The following PTPRD variants were observed in gnomAD, a reference collection of about 807,000 sequenced individuals.
The protein encoded by PTPRD is protein tyrosine phosphatase receptor type D, also known as receptor-type tyrosine-protein phosphatase delta.
PTPRD carries 34 observed loss-of-function variants against 214.5 expected under a neutral mutation model. The observed-to-expected ratio is 0.16, with a 90% CI of 0.12 to 0.21. PTPRD has a LOEUF of 0.21. Ranked by LOEUF, PTPRD falls within the 10% of genes least tolerant of loss-of-function variation. PTPRD has a pLI of 1.00. For missense variants in PTPRD, 2,545 were observed against 2,398.7 expected (o/e 1.06, Z -1.27); for synonymous variants, 1,128 against 845.7 (o/e 1.33, Z -5.79).
chr9:9,136,915 G>A (rs2154478604), intron 10 of PTPRD, among the ~76,000 whole-genome samples: 1 of 152,178 alleles, frequency 6.6e-6, no homozygotes, highest in Admixed American at 6.5e-5. Flanking sequence ...AACTGGTAGG[G>A]GATTTACTCT....
intron 2 of PTPRD, among the ~76,000 whole-genome samples, chr9:10,531,528 T>C (rs1256029555): frequency 6.6e-6 from 1 of 152,216 alleles, no homozygotes; most frequent in African/African-American, 2.4e-5. Context: ...TATGGCACTT[T>C]ACCTTGAAAA....
chr9:9,545,105 T>C (rs567346850), intron 8 of PTPRD, among the ~76,000 whole-genome samples: 2 of 151,762 alleles, frequency 1.3e-5, no homozygotes, highest in South Asian at 2.1e-4. Context: ...CCCACCAAAA[T>C]AGTACACTTG....
chr9:8,886,518 A>G (rs891647407), intron 11 of PTPRD, among the ~76,000 whole-genome samples: 1 of 152,170 alleles, frequency 6.6e-6, no homozygotes, highest in Non-Finnish European at 1.5e-5. Flanking sequence ...TTTAAGTTCT[A>G]GTTGGTTAAA....
At position 10,258,324 on chromosome 9, in the gene PTPRD, A is replaced by G. The variant is rs1466211486; in HGVS notation, c.-545+82639T>C. ...GGAGCTGAGGGCTTTTGGGAGGGTG[A>G]AAAATGTTGCATTAATGTGGTCTCA... is the stretch of plus-strand genomic sequence containing the variant. On this transcript the variant is annotated intron_variant, in intron 3 of 45. Transcript: ENST00000381196. Among the ~76,000 whole-genome samples the G allele has an allele frequency of 3.3e-5, 5 of 152,242 alleles. No homozygotes were observed. The South Asian group carries it at 8.3e-4, about 25-fold the overall frequency.
intron 2 of PTPRD, among the ~76,000 whole-genome samples, chr9:10,367,506 A>C (rs2097537333): frequency 6.6e-6 from 1 of 152,192 alleles, no homozygotes; most frequent in Admixed American, 6.6e-5. Context: ...TGAGTAAAAT[A>C]ATGTTGAAAG....
At chr9:9,633,355 A>G (rs2095654180) in intron 7 of PTPRD, among the ~76,000 whole-genome samples, 1 of 152,072 alleles carries the variant, frequency 6.6e-6, no homozygotes, top group Non-Finnish European at 1.5e-5. Context: ...GAAATTCAAG[A>G]TAACACTTGC....
chr9:8,769,512 G>C (rs545031069), intron 11 of PTPRD, among the ~76,000 whole-genome samples: 1 of 152,276 alleles, frequency 6.6e-6, no homozygotes, highest in African/African-American at 2.4e-5. Context: ...TAGTTGTGTG[G>C]TTCTCCCTTC....
chr9:10,193,955 C>T lies in PTPRD; in HGVS notation c.-545+147008G>A, dbSNP rs141407847. 2.5e-3 allele frequency among the ~76,000 whole-genome samples: 373 copies of T among 152,166 alleles called. 1 individual carries two copies. The highest frequency in any genetic ancestry group is 8.6e-3 in the African/African-American group (356 of 41,514). On this transcript the variant is annotated intron_variant, in intron 3 of 45. Transcript: ENST00000381196. ...TAACTGTTAAAGTGATCAACTATTGCTGTGCTCAAAGTTAGAACAAAGAAC... is the reference window on the plus strand; with the variant it reads ...TAACTGTTAAAGTGATCAACTATTGTTGTGCTCAAAGTTAGAACAAAGAAC...
intron 10 of PTPRD, among the ~76,000 whole-genome samples, chr9:9,048,098 T>C (rs324539): frequency 0.66 from 99,686 of 151,982 alleles, 32,799 homozygotes; most frequent in South Asian, 0.7. Flanking sequence ...AACTACAATG[T>C]GATATCTTCT....
intron 11 of PTPRD, among the ~76,000 whole-genome samples, chr9:8,929,207 C>G (rs1006605992): frequency 6.6e-6 from 1 of 152,066 alleles, no homozygotes; most frequent in Non-Finnish European, 1.5e-5. Context: ...TTGCCCTGGC[C>G]AGAACTTCCA....
intron 7 of PTPRD, among the ~76,000 whole-genome samples, chr9:9,579,548 A>T (rs767428847): frequency 3.8e-4 from 57 of 151,882 alleles, no homozygotes; most frequent in Non-Finnish European, 7.4e-4. Context: ...TATTAAGCCC[A>T]GCATGCATGA....
At chr9:10,507,637 T>C (rs1452486933) in intron 2 of PTPRD, among the ~76,000 whole-genome samples, 1 of 152,032 alleles carries the variant, frequency 6.6e-6, no homozygotes, top group Non-Finnish European at 1.5e-5. Flanking sequence ...CCCTCAGAAA[T>C]AATATCACAC....
chr9:9,140,439 C>T (rs1303106260), intron 10 of PTPRD, among the ~76,000 whole-genome samples: 1 of 152,134 alleles, frequency 6.6e-6, no homozygotes, highest in African/African-American at 2.4e-5. Context: ...ACAGATATAA[C>T]CTTTGAAAAA....
At chr9:9,990,669 G>A (rs1233006632) in intron 4 of PTPRD, among the ~76,000 whole-genome samples, 1 of 152,200 alleles carries the variant, frequency 6.6e-6, no homozygotes, top group Non-Finnish European at 1.5e-5. Context: ...GACTGTGAGG[G>A]GTGAGCTGCC....
intron 8 of PTPRD, among the ~76,000 whole-genome samples, chr9:9,516,572 T>C (rs2096844241): frequency 6.6e-6 from 1 of 151,814 alleles, no homozygotes; most frequent in South Asian, 2.1e-4. Context: ...GGATTCTTGC[T>C]CTGTTGCCAG....
chr9:10,403,751 G>T (rs1000268126), intron 2 of PTPRD, among the ~76,000 whole-genome samples: 1 of 151,636 alleles, frequency 6.6e-6, no homozygotes, highest in African/African-American at 2.4e-5. Flanking sequence ...ATACAAAAAG[G>T]CTACACACTA....
chr9:9,518,254 T>G (rs2096882947), intron 8 of PTPRD, among the ~76,000 whole-genome samples: 1 of 152,110 alleles, frequency 6.6e-6, no homozygotes. Context: ...AGTCTTCTTA[T>G]GTAATGTTAA....
intron 12 of PTPRD, chr9:8,700,579 T>A (rs985143589): frequency 1.3e-5 from 2 of 152,194 alleles, no homozygotes; most frequent in African/African-American, 2.4e-5. Context: ...TCACAGTCAA[T>A]GTTTTCATTC....
At chr9:9,300,689 G>T (rs1954935523) in intron 9 of PTPRD, among the ~76,000 whole-genome samples, 1 of 151,736 alleles carries the variant, frequency 6.6e-6, no homozygotes, top group African/African-American at 2.4e-5. Flanking sequence ...GTCAGCCGTT[G>T]GATAGGTAGA....
Sources: allele counts gnomAD v4.1 joint callset (sites outside exome capture counted in the v4.1 genomes callset), GRCh38; gene constraint gnomAD v4.1.1; transcripts MANE v1.5; gene names NCBI Gene and HGNC (gene_info 2026-07-23, HGNC 2026-07-21).